MYO16: variants seen among roughly 807,000 people sequenced by gnomAD.
MYO16 encodes the protein unconventional myosin-XVI.
Under a neutral mutation model 205.3 loss-of-function variants are expected in MYO16, and 94 were observed. The ratio of observed to expected loss-of-function variants is 0.46; its 90% CI spans 0.39 to 0.54. MYO16 has a LOEUF of 0.54. Ranked by LOEUF, MYO16 falls within the 20% of genes least tolerant of loss-of-function variation. The pLI, the probability that MYO16 is intolerant of heterozygous loss-of-function variation, is 0.00. For missense variants in MYO16, 2,315 were observed against 2,387.5 expected (o/e 0.97, Z 0.63); for synonymous variants, 988 against 954.0 (o/e 1.04, Z -0.66).
chr13:108,739,023 A>G (rs1000685344), intron 4 of MYO16, among the ~76,000 whole-genome samples: 2 of 152,068 alleles, frequency 1.3e-5, no homozygotes, highest in Non-Finnish European at 2.9e-5. Flanking sequence ...TTTTGAGCCT[A>G]TGTGCATCTC....
chr13:108,788,941 C>T (rs1000955989), intron 5 of MYO16, among the ~76,000 whole-genome samples: 8 of 152,140 alleles, frequency 5.3e-5, no homozygotes, highest in African/African-American at 1.9e-4. Context: ...AAATGTTGGT[C>T]CCTCCTGGGG....
intron 11 of MYO16, among the ~76,000 whole-genome samples, chr13:108,856,442 G>A (rs1319753271): frequency 2.0e-5 from 3 of 152,112 alleles, no homozygotes; most frequent in Non-Finnish European, 2.9e-5. Context: ...ATGCAATGTA[G>A]CATCTTAATG....
chr13:108,910,282 G>T, intron 16 of MYO16, 132 bp downstream of exon 16: 1 of 949,108 alleles, frequency 1.1e-6, no homozygotes, highest in East Asian at 2.5e-5. Flanking sequence ...ATACTGTTAG[G>T]TTGAAACCAT....
At chr13:108,894,760 G>A (rs1020713172) in intron 14 of MYO16, among the ~76,000 whole-genome samples, 4 of 152,144 alleles carry the variant, frequency 2.6e-5, no homozygotes, top group Admixed American at 6.5e-5. Context: ...GTAGATGGAC[G>A]GATGGAACCC....
intron 9 of MYO16, among the ~76,000 whole-genome samples, chr13:108,838,163 GTTC>G (rs1189351759): frequency 3.3e-5 from 5 of 152,028 alleles, no homozygotes; most frequent in Non-Finnish European, 7.4e-5. Context: ...TCCAGAGCAA[GTTC>G]TTCTCCTCTG....
intron 7 of MYO16, among the ~76,000 whole-genome samples, chr13:108,808,234 T>C (rs187142740): frequency 6.6e-6 from 1 of 151,538 alleles, no homozygotes; most frequent in Admixed American, 6.6e-5. Flanking sequence ...GAGTCCTCTA[T>C]GAAAACTAGG....
At chr13:108,600,293 A>G (rs1437680204) in intron 1 of MYO16, among the ~76,000 whole-genome samples, 1 of 152,138 alleles carries the variant, frequency 6.6e-6, no homozygotes, top group Admixed American at 6.6e-5. Flanking sequence ...GCATTGCTTA[A>G]TTTGCTGAAC....
At chr13:109,022,140 TATTTATATATACAA>T (rs202188915) in intron 23 of MYO16, among the ~76,000 whole-genome samples, 26,362 of 137,220 alleles carry the variant, frequency 0.19, 3,163 homozygotes, top group African/African-American at 0.3. Context: ...TACATATATA[TATTTATATATACAA>T]ATTTATATAT....
the MYO16 span, among the ~76,000 whole-genome samples, chr13:108,538,559 T>TAG: frequency 3.3e-5 from 5 of 151,992 alleles, no homozygotes; most frequent in African/African-American, 4.8e-5. Flanking sequence ...CACCAAAGCT[T>TAG]AGCTCTGAAT....
intron 27 of MYO16, among the ~76,000 whole-genome samples, chr13:109,071,098 T>G (rs1479262505): frequency 2.0e-5 from 3 of 152,200 alleles, no homozygotes; most frequent in African/African-American, 7.2e-5. Context: ...TATCAGAATC[T>G]ATTCTGGAAT....
At chr13:108,748,777 A>C (rs1885140466) in intron 4 of MYO16, among the ~76,000 whole-genome samples, 1 of 152,178 alleles carries the variant, frequency 6.6e-6, no homozygotes, top group African/African-American at 2.4e-5. Flanking sequence ...TTGTCTATGC[A>C]AAAGAATGAA....
intron 10 of MYO16, among the ~76,000 whole-genome samples, chr13:108,844,770 TGAGTC>T: frequency 6.6e-6 from 1 of 152,332 alleles, no homozygotes; most frequent in East Asian, 1.9e-4. Context: ...TATTTCCAGT[TGAGTC>T]ATTTGTCATT....
At chr13:108,728,304 A>T (rs933711203) in intron 4 of MYO16, among the ~76,000 whole-genome samples, 2 of 152,230 alleles carry the variant, frequency 1.3e-5, no homozygotes, top group Non-Finnish European at 2.9e-5. Context: ...AAGCAAACTG[A>T]TGCTCGAATA....
intron 7 of MYO16, among the ~76,000 whole-genome samples, chr13:108,813,070 G>A (rs964093805): frequency 5.3e-5 from 8 of 152,144 alleles, no homozygotes; most frequent in African/African-American, 1.9e-4. Context: ...GGAGACTGAG[G>A]AGGGGTTGGA....
Position 108,665,990 on chromosome 13 carries a change from A to G in MYO16, c.133A>G (p.Met45Val). 1.2e-6 allele frequency: 2 copies of G among 1,614,160 alleles called. No homozygotes were observed. Among genetic ancestry groups the G allele is most frequent in the Non-Finnish European group, 1.7e-6 (2 of 1,180,002 alleles). Residue 45 changes from methionine to valine, a missense_variant, in exon 2 of 35, where the codon ATG becomes GTG. By Grantham distance (21) the Met-to-Val change is conservative. This residue lies in a region of MYO16 where 1,213 missense variants were observed against 1,274.4 expected (regional missense o/e 0.95). Coordinates refer to ENST00000457511, the MANE Select transcript of MYO16 (RefSeq NM_001198950.3). ...CCAACGGCAGCGTCTAGTGAAGCGC[A>G]TGCGCTGTGAGCAAATCAAAGCCTA... ...LGQRQRLVKR[M>V]RCEQIKAYYE...
chr13:108,885,016 C>T (rs187495154), intron 13 of MYO16, among the ~76,000 whole-genome samples: 6 of 150,052 alleles, frequency 4.0e-5, no homozygotes, highest in East Asian at 2.0e-4. Context: ...GACGCTGAGA[C>T]GGGCTCTCAC....
At chr13:109,033,787 G>A (rs1488797334) in intron 23 of MYO16, among the ~76,000 whole-genome samples, 2 of 152,180 alleles carry the variant, frequency 1.3e-5, no homozygotes, top group Non-Finnish European at 2.9e-5. Context: ...CTGAGGGCAG[G>A]AGGTGGAAGC....
intron 10 of MYO16, among the ~76,000 whole-genome samples, chr13:108,852,625 G>T (rs75142943): frequency 0.096 from 14,663 of 152,228 alleles, 901 homozygotes; most frequent in Middle Eastern, 0.18. Flanking sequence ...GCTGAGAACA[G>T]CGCGGACAGA....
At chr13:108,967,211 T>C (rs1883831117) in intron 20 of MYO16, among the ~76,000 whole-genome samples, 1 of 151,790 alleles carries the variant, frequency 6.6e-6, no homozygotes, top group South Asian at 2.1e-4. Flanking sequence ...CAAGAGAGAA[T>C]AAATATCACT....
Sources: allele counts gnomAD v4.1 joint callset (sites outside exome capture counted in the v4.1 genomes callset), GRCh38; gene constraint gnomAD v4.1.1; regional missense constraint gnomAD v4.1.1; transcripts MANE v1.5; gene names NCBI Gene and HGNC (gene_info 2026-07-23, HGNC 2026-07-21).